The following PAPLN variants were observed in gnomAD, a reference collection of about 807,000 sequenced individuals.
PAPLN encodes papilin.
In PAPLN, 146 loss-of-function variants were observed where a neutral mutation model predicts 159.0. The ratio of observed to expected loss-of-function variants is 0.92; its 90% CI spans 0.80 to 1.05. PAPLN has a LOEUF of 1.05. Among genes scored for constraint, PAPLN ranks in the 50% least tolerant of loss-of-function variants. The pLI is 0.00. For missense variants in PAPLN, 1,720 were observed against 1,743.9 expected (o/e 0.99, Z 0.24); for synonymous variants, 734 against 702.9 (o/e 1.04, Z -0.70).
chr14:73,262,355 C>A lies in PAPLN; in HGVS notation c.2251C>A (p.Pro751Thr), dbSNP rs932226120. ...ATCACACCCATGCCCTGCAGCCTAC[C>A]CCGTGCGGTGCCTGCTGCCCAGTGC... ...GCVGQPSHAY[P>T]VRCLLPSAHG... Residue 751 changes from proline (P) to threonine (T), a missense_variant, in exon 19 of 27, where the codon CCC becomes ACC. Pro to Thr is a conservative substitution (Grantham distance 38). Coordinates refer to ENST00000644200, the MANE Select transcript of PAPLN (RefSeq NM_001365906.3). 1 of 1,610,494 alleles carries A rather than the reference C, an allele frequency of 6.2e-7. No individual in the cohort carries two copies. The highest frequency in any genetic ancestry group is 8.5e-7 in the Non-Finnish European group (1 of 1,177,814).
In PAPLN at chr14:73,254,987, T is replaced by C. The variant is rs1208912071; in HGVS notation, c.1596T>C (p.Pro532=). ...LQHSKPVDVE[P]CNTQPCHLPQ... ...ACTCCAAGCCTGTGGATGTGGAGCC[T>C]TGTAACACGCAGCCCTGTCATCTCC... Residue 532 remains proline (P), a synonymous_variant, in exon 14 of 27, where the codon CCT becomes CCC. Coordinates refer to ENST00000644200, the MANE Select transcript of PAPLN (RefSeq NM_001365906.3). The C allele has an allele frequency of 1.9e-6, 3 of 1,613,614 alleles. No individual in the cohort carries two copies. Among genetic ancestry groups the C allele is most frequent in the South Asian group, 2.2e-5 (2 of 91,036 alleles).
Position 73,272,969 on chromosome 14 carries a change from T to C in PAPLN, c.*305T>C, listed in dbSNP as rs1887867389. 2 of 241,768 alleles carry C rather than the reference T, an allele frequency of 8.3e-6. No homozygotes were observed. The highest frequency in any genetic ancestry group is 1.6e-5 in the Non-Finnish European group (2 of 127,478). The allele number at this position is 241,768 out of a possible 1,614,324, so 15.0% of individuals were successfully genotyped here. A position where few individuals can be genotyped will look rare whatever the true frequency, so the allele number is the denominator to read the frequency against. ...CCCTTTATAATTTGTTACACAGGAA[T>C]AGTTAAATGCATTTGTTTGTTTGTT... On this transcript the variant is annotated 3_prime_UTR_variant, in exon 27 of 27. Coordinates refer to ENST00000644200, the MANE Select transcript of PAPLN (RefSeq NM_001365906.3).
chr14:73,256,964 T>C (rs1192583157), intron 14 of PAPLN, among the ~76,000 whole-genome samples: 1 of 152,172 alleles, frequency 6.6e-6, no homozygotes, highest in Non-Finnish European at 1.5e-5. Context: ...CATGTGGGAA[T>C]GGAATATTAA....
At chr14:73,247,750 T>G (rs1420547266) in intron 5 of PAPLN, among the ~76,000 whole-genome samples, 6 of 84,308 alleles carry the variant, frequency 7.1e-5, no homozygotes, top group African/African-American at 1.9e-4. Context: ...GTGTGTGTGT[T>G]GTGCCGATAG....
In PAPLN at chr14:73,245,513, C is replaced by T. The variant is rs1187658192; in HGVS notation, c.171-123C>T. 21 of 1,070,914 alleles carry T rather than the reference C, an allele frequency of 2.0e-5. 1 individual carries two copies. In the Admixed American group the frequency reaches 4.8e-4, roughly 25 times the overall value. 66.3% of individuals were successfully genotyped at this position (1,070,914 alleles called of 1,614,324 possible). On this transcript the variant is annotated intron_variant, in intron 3 of 26. Coordinates refer to ENST00000644200, the MANE Select transcript of PAPLN (RefSeq NM_001365906.3). The surrounding 1 kb of genome is among the most constrained non-coding windows in gnomAD (Gnocchi z 4.2). ...GGATTTACGGGGTGGGGTCGGGGGA[C>T]ACCCTCTCACCTTGCTGCTCCCACT...
Position 73,253,883 on chromosome 14 carries a change from G to T in PAPLN, c.1224G>T (p.Gly408=), listed in dbSNP as rs774574303. ...CCGTGGAGGAGGCTGAGTGTGCCGG[G>T]CTGCCTGGGAAGCCCCCTGCCATTC... ...QEAVEEAECA[G]LPGKPPAIQA... is the part of the protein sequence containing the mutation. The change falls in exon 12 of 27, where the codon GGG becomes GGT. Residue 408 remains glycine (G), a synonymous_variant. Transcript: ENST00000644200. 1.2e-6 allele frequency: 2 copies of T among 1,613,250 alleles called. No individual in the cohort carries two copies. Among genetic ancestry groups the T allele is most frequent in the Admixed American group, 1.7e-5 (1 of 59,996 alleles).
Position 73,254,532 on chromosome 14 carries a change from T to C in PAPLN, c.1322T>C (p.Val441Ala), listed in dbSNP as rs767290442. 7 of 1,613,924 alleles carry C rather than the reference T, an allele frequency of 4.3e-6. No homozygotes were observed. The highest frequency in any genetic ancestry group is 4.5e-5 in the East Asian group (2 of 44,894). Residue 441 changes from valine to alanine, a missense_variant, in exon 13 of 27, where the codon GTT (valine) becomes GCT (alanine). Val to Ala is a moderately conservative substitution (Grantham distance 64). Transcript: ENST00000644200. ...TTGCAGTGTTCTGTCAGTTGTGGCGTTGGCGTCCGGAAGCGGAGCGTTACT... is the reference window on the plus strand; with the variant it reads ...TTGCAGTGTTCTGTCAGTTGTGGCGCTGGCGTCCGGAAGCGGAGCGTTACT... Reference protein sequence around the residue: ...PWGECSVSCGVGVRKRSVTCR... With the variant: ...PWGECSVSCGAGVRKRSVTCR...
intron 5 of PAPLN, among the ~76,000 whole-genome samples, chr14:73,247,396 A>G (rs867353257): frequency 4.6e-5 from 7 of 152,300 alleles, no homozygotes; most frequent in Middle Eastern, 3.4e-3. Context: ...CTTGCGGCAA[A>G]TGACCTCTGG....
chr14:73,258,949 G>A (rs762348895), intron 14 of PAPLN, 30 bp from the exon 15 acceptor site: 59 of 1,584,554 alleles, frequency 3.7e-5, no homozygotes, highest in African/African-American at 1.2e-4. Context: ...CTCCCTCTCC[G>A]TCCCACATGG....
Position 73,266,787 on chromosome 14 carries a change from A to G in PAPLN, c.3456A>G (p.Leu1152=), listed in dbSNP as rs1265741181. ...VTVPEGDTAR[L]LCVVAGESVN... ...TGCCAGAGGGTGATACGGCCAGGCT[A>G]TTGTGTGTGGTAGCAGGAGAAAGTG... The change falls in exon 25 of 27, where the codon CTA becomes CTG. Residue 1152 remains leucine (L), a synonymous_variant. Transcript: ENST00000644200. 2.5e-6 allele frequency: 4 copies of G among 1,613,656 alleles called. No individual in the cohort carries two copies. The African/African-American group carries it at 4.0e-5, about 16-fold the overall frequency.
In PAPLN at chr14:73,266,562, T is replaced by A; in HGVS notation, c.3325T>A (p.Phe1109Ile). 6.2e-7 allele frequency: 1 copy of A among 1,614,134 alleles called. No homozygotes were observed. The highest frequency in any genetic ancestry group is 8.5e-7 in the Non-Finnish European group (1 of 1,180,032). Residue 1109 changes from phenylalanine (F) to isoleucine (I), a missense_variant, in exon 24 of 27, where the codon TTC (phenylalanine) becomes ATC (isoleucine). Physicochemically the swap from Phe to Ile is conservative, Grantham distance 21. Coordinates refer to ENST00000644200, the MANE Select transcript of PAPLN (RefSeq NM_001365906.3). ...CCGAGTGGCTGTAGAAGATGGCGGC[T>A]TCTACACCTGTGTCGCTTTCAATGG... ...ISRVAVEDGG[F>I]YTCVAFNGQD...
chr14:73,264,763 G>A (rs754963451), intron 22 of PAPLN, 37 bp downstream of exon 22: 42 of 1,607,740 alleles, frequency 2.6e-5, no homozygotes, highest in Middle Eastern at 3.3e-4. Flanking sequence ...CCTCCCCCAC[G>A]CCAGGGCCAG....
chr14:73,259,128 G>T (rs981356073), intron 15 of PAPLN, 69 bp downstream of exon 15: 62 of 1,543,236 alleles, frequency 4.0e-5, no homozygotes, highest in Non-Finnish European at 5.1e-5. Flanking sequence ...GGTACATGGG[G>T]GTGTGGGGGT....
rs112556267 is a variant in PAPLN, at chr14:73,248,546, G to A, written c.335-1438G>A. ...AGGTAGGGTACAGTGGCTCATGCCC[G>A]TAATCCCAGCACTTTGGGAGGCTGA... On this transcript the variant is annotated intron_variant, in intron 5 of 26. Transcript: ENST00000644200. Among the ~76,000 whole-genome samples the A allele has an allele frequency of 4.7e-3, 718 of 152,310 alleles. 7 individuals are homozygous for A. Among genetic ancestry groups the A allele is most frequent in the African/African-American group, 0.014 (597 of 41,568 alleles).
At chr14:73,236,833 A>G (rs1883059327), upstream of PAPLN, among the ~76,000 whole-genome samples, 1 of 150,506 alleles carries the variant, frequency 6.6e-6, no homozygotes, top group Admixed American at 6.6e-5. Context: ...AAAAAAAGAA[A>G]AGGAGGGAGG....
chr14:73,255,024 G>T lies in PAPLN; in HGVS notation c.1627+6G>T, dbSNP rs1377726981. On this transcript the variant is annotated splice_donor_region_variant and intron_variant, in intron 14 of 26. Coordinates refer to ENST00000644200, the MANE Select transcript of PAPLN (RefSeq NM_001365906.3). ...GCCCTGTCATCTCCCCCAGGGTAAG[G>T]ACAGGAGGGCAGGGAGGAGTCCGGC... 3.1e-6 allele frequency: 5 copies of T among 1,611,220 alleles called. No homozygotes were observed. In the East Asian group the frequency reaches 8.9e-5, roughly 29 times the overall value.
At chr14:73,252,911 G>T in intron 11 of PAPLN, 136 bp downstream of exon 11, 1 of 1,421,456 alleles carries the variant, frequency 7.0e-7, no homozygotes, top group South Asian at 1.3e-5. Context: ...GCTGGGGTGT[G>T]GGAGAGGTGG....
chr14:73,247,836 GTGTGGT>G (rs1884676526), intron 5 of PAPLN, among the ~76,000 whole-genome samples: 1 of 133,946 alleles, frequency 7.5e-6, no homozygotes, highest in African/African-American at 2.8e-5. Flanking sequence ...GTGTGTGTGT[GTGTGGT>G]GGCGATCGTG....
At chr14:73,247,796 CCGTGTGTGTGTGTGTGTGTGTGTG>C (rs1379581214) in intron 5 of PAPLN, among the ~76,000 whole-genome samples, 1 of 60,622 alleles carries the variant, frequency 1.6e-5, no homozygotes, top group East Asian at 5.0e-4. Context: ...GTCTCTTATC[CCGTGTGTGTGTGTGTGTGTGTGTG>C]TGTGTGTGTG....
Sources: allele counts gnomAD v4.1 joint callset (sites outside exome capture counted in the v4.1 genomes callset), GRCh38; gene constraint gnomAD v4.1.1; non-coding constraint Gnocchi (gnomAD v3.1); transcripts MANE v1.5; gene names NCBI Gene and HGNC (gene_info 2026-07-23, HGNC 2026-07-21).